Variants in FAM227B observed in about 807,000 individuals in gnomAD.
FAM227B encodes the protein family with sequence similarity 227 member B.
Under a neutral mutation model 73.8 loss-of-function variants are expected in FAM227B, and 88 were observed. That is an observed-to-expected ratio of 1.19 (90% CI 1.00 to 1.42). The LOEUF (loss-of-function observed/expected upper bound fraction) is 1.42. Among genes scored for constraint, FAM227B ranks in the 40% most tolerant of loss-of-function variants. The pLI, the probability that FAM227B is intolerant of heterozygous loss-of-function variation, is 0.00. For missense variants in FAM227B, 632 were observed against 590.9 expected (o/e 1.07, Z -0.72); for synonymous variants, 210 against 190.5 (o/e 1.10, Z -0.84).
intron 11 of FAM227B, among the ~76,000 whole-genome samples, chr15:49,404,839 G>A (rs2048408904): frequency 6.6e-6 from 1 of 151,674 alleles, no homozygotes; most frequent in African/African-American, 2.4e-5. Context: ...GCTTGTTTAT[G>A]TGGTTGTTTT....
At chr15:49,588,155 A>G (rs569185755) in intron 4 of FAM227B, 72 bp from the exon 5 acceptor site, 1 of 898,488 alleles carries the variant, frequency 1.1e-6, no homozygotes, top group East Asian at 3.6e-5. Context: ...ACAAAATTTT[A>G]AATACTTTAA....
At chr15:49,420,066 T>C (rs539059104) in intron 11 of FAM227B, among the ~76,000 whole-genome samples, 1 of 152,338 alleles carries the variant, frequency 6.6e-6, no homozygotes, top group African/African-American at 2.4e-5. Context: ...AAATGAGTAC[T>C]CTTACCTACT....
chr15:49,532,217 A>G (rs1028384372), intron 10 of FAM227B, among the ~76,000 whole-genome samples: 11 of 151,706 alleles, frequency 7.3e-5, no homozygotes, highest in African/African-American at 2.7e-4. Context: ...AGTTGCCACT[A>G]TTTGAAAATT....
At chr15:49,532,384 A>C (rs1332174068) in intron 10 of FAM227B, among the ~76,000 whole-genome samples, 1 of 151,960 alleles carries the variant, frequency 6.6e-6, no homozygotes, top group Non-Finnish European at 1.5e-5. Flanking sequence ...ATATGAAAAT[A>C]ATGTACAAAA....
chr15:49,472,754 A>T lies in FAM227B; in HGVS notation c.1012+35457T>A, dbSNP rs558112327. Among the ~76,000 whole-genome samples, 134 of 152,322 alleles carry T rather than the reference A, an allele frequency of 8.8e-4. 5 individuals carry two copies. In the South Asian group the frequency reaches 0.027, roughly 30 times the overall value. On this transcript the variant is annotated intron_variant, in intron 11 of 15. Transcript: ENST00000299338. The stretch of plus-strand genomic sequence containing the variant: ...AAAGCTTATTATGCCTCATAAGAAA[A>T]GGGCTAGAATCAAAACGTGTAACTT...
chr15:49,430,883 C>T (rs2050551702), intron 11 of FAM227B, among the ~76,000 whole-genome samples: 2 of 151,818 alleles, frequency 1.3e-5, no homozygotes, highest in Admixed American at 6.6e-5. Context: ...GACATTCAAA[C>T]CATAGCAAGG....
intron 9 of FAM227B, among the ~76,000 whole-genome samples, chr15:49,542,509 C>A (rs1003772768): frequency 6.6e-6 from 1 of 151,786 alleles, no homozygotes; most frequent in Non-Finnish European, 1.5e-5. Flanking sequence ...CATCCTTCCC[C>A]CTGAGTCCCT....
intron 11 of FAM227B, among the ~76,000 whole-genome samples, chr15:49,395,664 G>T (rs1298580689): frequency 6.6e-6 from 1 of 152,192 alleles, no homozygotes; most frequent in African/African-American, 2.4e-5. Flanking sequence ...GAGTTATGTG[G>T]TGTTTTGAAA....
In FAM227B at chr15:49,591,265, G is replaced by A. The variant is rs1412957627; in HGVS notation, c.106-1258C>T. On this transcript the variant is annotated intron_variant, in intron 3 of 15. Coordinates refer to ENST00000299338, the MANE Select transcript of FAM227B (RefSeq NM_152647.3). ...AATTTTTTGTATTTTTAGTAGAGAC[G>A]GGGTTTGTGTTATCCAGGATGGTCT... 8.0e-5 allele frequency among the ~76,000 whole-genome samples: 12 copies of A among 150,324 alleles called. 1 individual carries two copies. The highest frequency in any genetic ancestry group is 2.4e-4 in the African/African-American group (10 of 40,936).
intron 14 of FAM227B, among the ~76,000 whole-genome samples, 198 bp from the exon 15 acceptor site, chr15:49,332,047 A>G (rs1289621274): frequency 3.9e-5 from 6 of 151,924 alleles, no homozygotes; most frequent in Non-Finnish European, 8.8e-5. Flanking sequence ...ACAGGCTGAG[A>G]TAGGTTCAGA....
In FAM227B at chr15:49,489,879, TATATAGAGAG is replaced by T. The variant is rs1328669173; in HGVS notation, c.1012+18322_1012+18331del. On this transcript the variant is annotated intron_variant, in intron 11 of 15. Coordinates refer to ENST00000299338, the MANE Select transcript of FAM227B (RefSeq NM_152647.3). The stretch of plus-strand genomic sequence containing the variant: ...TATATTTTATATATATATATATATA[TATATAGAGAG>T]AGAGAGAGAGAGAGAGAGAGAGAGA... Among the ~76,000 whole-genome samples the T allele has an allele frequency of 5.4e-4, 10 of 18,448 alleles. 1 individual carries two copies. The highest frequency in any genetic ancestry group is 1.1e-3 in the Admixed American group (1 of 874). The allele number at this position is 18,448 out of a possible 152,430, so 12.1% of individuals were successfully genotyped here. A position where few individuals can be genotyped will look rare whatever the true frequency, so the allele number is the denominator to read the frequency against.
intron 3 of FAM227B, among the ~76,000 whole-genome samples, chr15:49,600,345 TCTTTC>T (rs1309027673): frequency 1.3e-5 from 2 of 148,628 alleles, no homozygotes; most frequent in African/African-American, 5.1e-5. Context: ...GCTGTTTCTT[TCTTTC>T]TTTTTTTTTT....
intron 11 of FAM227B, among the ~76,000 whole-genome samples, chr15:49,403,700 C>T (rs900480586): frequency 1.3e-5 from 2 of 148,742 alleles, no homozygotes; most frequent in African/African-American, 4.9e-5. Flanking sequence ...TAATTTTTTT[C>T]AAAAAAAAAC....
intron 11 of FAM227B, among the ~76,000 whole-genome samples, chr15:49,504,990 C>G (rs143472108): frequency 1.1e-4 from 17 of 152,064 alleles, no homozygotes; most frequent in Non-Finnish European, 2.4e-4. Context: ...ATACTGAGAA[C>G]AATACAAATA....
intron 10 of FAM227B, among the ~76,000 whole-genome samples, chr15:49,538,647 CT>C (rs1301536474): frequency 6.6e-6 from 1 of 152,032 alleles, no homozygotes; most frequent in East Asian, 1.9e-4. Context: ...TTTCTTCATT[CT>C]TTTTTCCTTT....
intron 11 of FAM227B, among the ~76,000 whole-genome samples, chr15:49,496,304 A>G (rs1423734276): frequency 6.6e-6 from 1 of 152,178 alleles, no homozygotes; most frequent in Non-Finnish European, 1.5e-5. Flanking sequence ...TACAGTTTAT[A>G]AAAAGAATGA....
chr15:49,348,273 C>T (rs1406308585), intron 13 of FAM227B, among the ~76,000 whole-genome samples: 1 of 152,124 alleles, frequency 6.6e-6, no homozygotes, highest in Non-Finnish European at 1.5e-5. Context: ...CTCCACAAAG[C>T]TATTCCAAAT....
chr15:49,533,829 C>T (rs2060804420), intron 10 of FAM227B, among the ~76,000 whole-genome samples: 1 of 151,832 alleles, frequency 6.6e-6, no homozygotes, highest in Non-Finnish European at 1.5e-5. Context: ...TTCAGCCCCT[C>T]TCTATCTTTT....
chr15:49,562,217 A>G (rs2074317158), intron 9 of FAM227B, among the ~76,000 whole-genome samples: 1 of 152,122 alleles, frequency 6.6e-6, no homozygotes, highest in Non-Finnish European at 1.5e-5. Context: ...ACTATTATGA[A>G]CAACACTACA....
Sources: gnomAD v4.1 joint callset for allele counts (sites outside exome capture counted in the v4.1 genomes callset) on GRCh38, gnomAD v4.1.1 for gene constraint, MANE v1.5 for transcripts, NCBI Gene and HGNC (gene_info 2026-07-23, HGNC 2026-07-21) for gene names.